Variants in RASEF observed in about 807,000 individuals in gnomAD.
RASEF encodes the protein ras and EF-hand domain-containing protein.
RASEF carries 68 observed loss-of-function variants against 90.1 expected under a neutral mutation model. The ratio of observed to expected loss-of-function variants is 0.75; its 90% CI spans 0.62 to 0.92. The LOEUF (loss-of-function observed/expected upper bound fraction) is 0.92. Among genes scored for constraint, RASEF ranks in the 40% least tolerant of loss-of-function variants. RASEF has a pLI of 0.00. For synonymous variants in RASEF, 331 were observed against 345.2 expected (o/e 0.96, Z 0.46); for missense variants, 949 against 937.2 (o/e 1.01, Z -0.16).
the RASEF span, among the ~76,000 whole-genome samples, chr9:83,161,287 G>A: frequency 6.6e-6 from 1 of 152,286 alleles, no homozygotes; most frequent in Admixed American, 6.5e-5. Context: ...AATCCACAGG[G>A]GCAAAGCTGC....
chr9:83,055,730 T>C (rs1830090652), intron 1 of RASEF: 1 of 710,274 alleles, frequency 1.4e-6, no homozygotes, highest in South Asian at 1.5e-5. Context: ...TGATTTGGAA[T>C]GAGCTCACAT....
At chr9:82,986,725 C>G (rs768017727) in intron 16 of RASEF, among the ~76,000 whole-genome samples, 8 of 152,234 alleles carry the variant, frequency 5.3e-5, no homozygotes, top group Non-Finnish European at 1.0e-4. Flanking sequence ...AGCTCTGATG[C>G]TGAACTGATA....
At chr9:83,022,460 T>C (rs777742503) in intron 2 of RASEF, 34 bp from the exon 3 acceptor site, 19 of 1,477,520 alleles carry the variant, frequency 1.3e-5, no homozygotes, top group African/African-American at 2.8e-5. Context: ...CTTTTCATTA[T>C]ACTCTTGAAC....
At chr9:83,041,313 T>C (rs1384988753) in intron 1 of RASEF, among the ~76,000 whole-genome samples, 1 of 152,242 alleles carries the variant, frequency 6.6e-6, no homozygotes, top group African/African-American at 2.4e-5. Flanking sequence ...CCAAAAGACA[T>C]GTCACCGAGT....
chr9:82,994,411 T>G (rs1341203337), intron 14 of RASEF, among the ~76,000 whole-genome samples: 1 of 152,210 alleles, frequency 6.6e-6, no homozygotes, highest in East Asian at 1.9e-4. Flanking sequence ...TCCTTCCCAG[T>G]GAGGCTACCT....
the RASEF span, among the ~76,000 whole-genome samples, chr9:83,093,163 G>A: frequency 6.6e-6 from 1 of 152,164 alleles, no homozygotes; most frequent in African/African-American, 2.4e-5. Context: ...GCCGATTGGT[G>A]TATTTACAAT....
At chr9:83,088,772 A>G in the RASEF span, among the ~76,000 whole-genome samples, 5 of 152,028 alleles carry the variant, frequency 3.3e-5, no homozygotes, top group Non-Finnish European at 7.4e-5. Context: ...TGCATGGTAT[A>G]TCTTTTTTCA....
At chr9:83,087,425 C>CTCTCTCTCTCTCTCTCTA in the RASEF span, among the ~76,000 whole-genome samples, 1 of 151,250 alleles carries the variant, frequency 6.6e-6, no homozygotes, top group African/African-American at 2.4e-5. Flanking sequence ...CTCTCTCTCT[C>CTCTCTCTCTCTCTCTCTA]TCTCTCTCTC....
At chr9:83,160,162 C>T in the RASEF span, among the ~76,000 whole-genome samples, 2 of 152,108 alleles carry the variant, frequency 1.3e-5, no homozygotes, top group Non-Finnish European at 2.9e-5. Flanking sequence ...AAAGATATCC[C>T]AAAATGTGGA....
the RASEF span, among the ~76,000 whole-genome samples, chr9:83,116,719 T>C: frequency 6.6e-6 from 1 of 152,192 alleles, no homozygotes; most frequent in Non-Finnish European, 1.5e-5. Context: ...ATTTCTCAAA[T>C]TCAAATAATG....
upstream of RASEF, among the ~76,000 whole-genome samples, chr9:83,064,779 C>T (rs1395379013): frequency 2.6e-5 from 4 of 152,114 alleles, no homozygotes; most frequent in African/African-American, 7.2e-5. Context: ...TCAAGAAACA[C>T]GAATTGGCCT....
At chr9:83,028,816 G>C (rs908279884) in intron 1 of RASEF, among the ~76,000 whole-genome samples, 1 of 152,130 alleles carries the variant, frequency 6.6e-6, no homozygotes, top group Non-Finnish European at 1.5e-5. Context: ...ATTTGGAAAT[G>C]GGTCTTTAAA....
chr9:83,076,027 G>A, the RASEF span, among the ~76,000 whole-genome samples: 1 of 152,048 alleles, frequency 6.6e-6, no homozygotes. Context: ...AATTACCTGG[G>A]CGTGGTGGCA....
the RASEF span, among the ~76,000 whole-genome samples, chr9:83,115,385 A>G: frequency 6.6e-6 from 1 of 152,238 alleles, no homozygotes; most frequent in Non-Finnish European, 1.5e-5. Flanking sequence ...GATAAATATA[A>G]AACCAAGTAA....
At chr9:83,215,349 C>A in the RASEF span, among the ~76,000 whole-genome samples, 10 of 152,130 alleles carry the variant, frequency 6.6e-5, no homozygotes, top group African/African-American at 2.4e-4. Context: ...GGCAGAGGGT[C>A]CATTGAGCTG....
At chr9:83,081,468 C>T in the RASEF span, among the ~76,000 whole-genome samples, 2 of 152,040 alleles carry the variant, frequency 1.3e-5, no homozygotes, top group African/African-American at 4.8e-5. Context: ...ATAAAAACCT[C>T]GTGATGGCAC....
At chr9:83,031,942 C>T (rs963058469) in intron 1 of RASEF, among the ~76,000 whole-genome samples, 2 of 152,070 alleles carry the variant, frequency 1.3e-5, no homozygotes, top group Non-Finnish European at 2.9e-5. Flanking sequence ...TGCCAAGAGA[C>T]TGTAACATAA....
chr9:83,193,309 G>T, the RASEF span, among the ~76,000 whole-genome samples: 5 of 152,190 alleles, frequency 3.3e-5, no homozygotes, highest in African/African-American at 1.2e-4. Context: ...TGAAGAGTGG[G>T]TTCACATCTT....
intron 1 of RASEF, among the ~76,000 whole-genome samples, chr9:83,030,217 C>T (rs1333950938): frequency 1.3e-5 from 2 of 151,926 alleles, no homozygotes; most frequent in East Asian, 1.9e-4. Context: ...ATTAGCCAGG[C>T]GTGGTGGTGG....
Sources: allele counts gnomAD v4.1 joint callset (sites outside exome capture counted in the v4.1 genomes callset), GRCh38; gene constraint gnomAD v4.1.1; transcripts MANE v1.5; gene names NCBI Gene and HGNC (gene_info 2026-07-23, HGNC 2026-07-21).